Variants in EVPL observed in about 807,000 individuals in gnomAD.
EVPL encodes the protein envoplakin.
Under a neutral mutation model 129.7 loss-of-function variants are expected in EVPL, and 94 were observed. That is an observed-to-expected ratio of 0.72 (90% confidence interval 0.61 to 0.86). EVPL has a LOEUF of 0.86. EVPL is among the 40% of genes least tolerant of loss of function. EVPL has a pLI of 0.00. For missense variants in EVPL, 2,625 were observed against 2,721.1 expected, an observed-to-expected ratio of 0.96 and a Z score of 0.79; for synonymous variants, 1,172 against 1,191.1, an observed-to-expected ratio of 0.98 and a Z score of 0.33.
rs201015085 is a variant in EVPL at position 76,007,541 on chromosome 17, G to C, written c.5664C>G (p.Ile1888Met). The C allele has an allele frequency of 4.5e-5, 73 of 1,613,814 alleles. No individual in the cohort carries two copies. The African/African-American group carries it at 5.3e-4, about 12-fold the overall frequency. Residue 1888 changes from isoleucine to methionine, a missense_variant, in exon 22 of 22, where the codon ATC becomes ATG. Transcript: ENST00000301607. This position sits in a 1 kb window ranked among gnomAD's most constrained non-coding sequence, Gnocchi z 8.8. ...SVHKAMERGL[I>M]ENTSTQRLLN... is the part of the protein sequence containing the mutation. ...GCAGCCTCTGTGTGGAGGTGTTCTCGATCAGGCCCCTCTCCATCGCCTTGT... is the reference window on the plus strand; with the variant it reads ...GCAGCCTCTGTGTGGAGGTGTTCTCCATCAGGCCCCTCTCCATCGCCTTGT...
At position 76,015,346 on chromosome 17, in the gene EVPL, G is replaced by C. The variant is rs1567911769; in HGVS notation, c.1909C>G (p.Leu637Val). 6.2e-7 allele frequency: 1 copy of C among 1,604,374 alleles called. No individual in the cohort carries two copies. The highest frequency in any genetic ancestry group is 8.5e-7 in the Non-Finnish European group (1 of 1,178,978). Reference sequence around the variant, plus strand: ...TCCGCATCCTGGATCTGCCGCTCCAGATCCAGGGCAGCCTTGGCTCTGCCG... The same window carrying C: ...TCCGCATCCTGGATCTGCCGCTCCACATCCAGGGCAGCCTTGGCTCTGCCG... Reference protein sequence around the residue: ...YGEKAKAALDLERQIQDADRV... With the variant: ...YGEKAKAALDVERQIQDADRV... The change falls in exon 16 of 22, where the codon CTG becomes GTG. Residue 637 changes from leucine (L) to valine (V), a missense_variant. Transcript: ENST00000301607.
At chr17:76,011,504 T>G in intron 21 of EVPL, 72 bp downstream of exon 21, 19 of 1,311,992 alleles carry the variant, frequency 1.4e-5, no homozygotes, top group African/African-American at 2.9e-5. Context: ...CAGCCTGGCA[T>G]TTTGGGAATG....
At chr17:76,010,859 G>C (rs568980311) in intron 21 of EVPL, among the ~76,000 whole-genome samples, 1 of 152,080 alleles carries the variant, frequency 6.6e-6, no homozygotes, top group African/African-American at 2.4e-5. Flanking sequence ...TCAGGAGTTC[G>C]AGACCAGCCT....
Position 76,006,865 on chromosome 17 carries a change from T to G in EVPL, c.*238A>C. On this transcript the variant is annotated 3_prime_UTR_variant, in exon 22 of 22. Transcript: ENST00000301607. ...ACATGGCACGGGGAGACAGAATTCG[T>G]TTATTGGGATCACTGGGTGGAGGTG... is the stretch of plus-strand genomic sequence containing the variant. 3 of 390,870 alleles carry G rather than the reference T, an allele frequency of 7.7e-6. No homozygotes were observed. The highest frequency in any genetic ancestry group is 9.0e-6 in the Non-Finnish European group (2 of 223,370). The allele number at this position is 390,870 out of a possible 1,614,324, so 24.2% of individuals were successfully genotyped here.
chr17:76,025,611 G>A (rs1274720725), intron 1 of EVPL, among the ~76,000 whole-genome samples: 1 of 152,152 alleles, frequency 6.6e-6, no homozygotes, highest in Non-Finnish European at 1.5e-5. Flanking sequence ...CCCCAGGGAG[G>A]ACAGGTCACT....
In EVPL at chr17:76,008,022, G is replaced by C. The variant is rs2066335968; in HGVS notation, c.5183C>G (p.Thr1728Ser). 1 of 1,614,010 alleles carries C rather than the reference G, an allele frequency of 6.2e-7. No individual in the cohort carries two copies. The highest frequency in any genetic ancestry group is 1.7e-5 in the Admixed American group (1 of 60,004). ...ELECDWEEVT[T>S]SGPCGEESVL... Reference sequence around the variant, plus strand: ...AGACTCCTCCCCACAGGGCCCCGAGGTGGTGACCTCCTCCCAGTCACACTC... The same window carrying C: ...AGACTCCTCCCCACAGGGCCCCGAGCTGGTGACCTCCTCCCAGTCACACTC... Residue 1728 changes from threonine (T) to serine (S), a missense_variant, in exon 22 of 22, where the codon ACC (threonine) becomes AGC (serine). Physicochemically the swap from Thr to Ser is moderately conservative, Grantham distance 58. This residue lies in a region of EVPL where 1,453 missense variants were observed against 1,511.8 expected (regional missense o/e 0.96). Coordinates refer to ENST00000301607, the MANE Select transcript of EVPL (RefSeq NM_001988.4). The surrounding 1 kb of genome is among the most constrained non-coding windows in gnomAD (Gnocchi z 7.4).
At chr17:76,019,254 C>T (rs2066440859) in intron 10 of EVPL, among the ~76,000 whole-genome samples, 194 bp from the exon 11 acceptor site, 1 of 152,142 alleles carries the variant, frequency 6.6e-6, no homozygotes, top group Non-Finnish European at 1.5e-5. Flanking sequence ...GGGGATGGCA[C>T]AGCATCACCC....
chr17:76,021,608 T>TGCCC (rs2066459011), intron 8 of EVPL, 45 bp from the exon 9 acceptor site: 1 of 1,172,400 alleles, frequency 8.5e-7, no homozygotes, highest in Non-Finnish European at 1.1e-6. Flanking sequence ...CCCCCCCACG[T>TGCCC]CCGCCCCACC....
In EVPL at chr17:76,023,499, C is replaced by T; in HGVS notation, c.353+1G>A. 1 of 1,613,100 alleles carries T rather than the reference C, an allele frequency of 6.2e-7. No individual in the cohort carries two copies. The highest frequency in any genetic ancestry group is 8.5e-7 in the Non-Finnish European group (1 of 1,179,628). ...CCCAGCCCTGCCGCAGCTCCACTCA[C>T]TCCTTCTCAATCTCCTCAGCCTGCG... On this transcript the variant is annotated splice_donor_variant, in intron 3 of 21. Coordinates refer to ENST00000301607, the MANE Select transcript of EVPL (RefSeq NM_001988.4). LOFTEE classifies it high-confidence loss of function.
At position 76,008,245 on chromosome 17, in the gene EVPL, C is replaced by T. The variant is rs765962455; in HGVS notation, c.4960G>A (p.Glu1654Lys). 2.0e-5 allele frequency: 32 copies of T among 1,613,596 alleles called. No homozygotes were observed. The highest frequency in any genetic ancestry group is 7.7e-5 in the South Asian group (7 of 91,088). The change falls in exon 22 of 22, where the codon GAG becomes AAG. Residue 1654 changes from glutamate (E) to lysine (K), a missense_variant. By Grantham distance (56) the Glu-to-Lys change is moderately conservative (BLOSUM62 1). Transcript: ENST00000301607. This position sits in a 1 kb window ranked among gnomAD's most constrained non-coding sequence, Gnocchi z 7.4. ...AGGTCCCGGAGCGTCCGCTCCTTCT[C>T]GTAGATCTGGTCCTTCTCGCGGAGG... Reference protein sequence around the residue: ...AILREKDQIYEKERTLRDLHA... With the variant: ...AILREKDQIYKKERTLRDLHA...
At position 76,022,716 on chromosome 17, in the gene EVPL, C is replaced by T. The variant is rs1484065395; in HGVS notation, c.481-178G>A. Among the ~76,000 whole-genome samples, 1 of 152,168 alleles carries T rather than the reference C, an allele frequency of 6.6e-6. No homozygotes were observed. The highest frequency in any genetic ancestry group is 1.5e-5 in the Non-Finnish European group (1 of 68,016). On this transcript the variant is annotated intron_variant, in intron 4 of 21. Coordinates refer to ENST00000301607, the MANE Select transcript of EVPL (RefSeq NM_001988.4). This position sits in a 1 kb window ranked among gnomAD's most constrained non-coding sequence, Gnocchi z 5.6. ...AGGGGCGAGGCCATTCTGCAGTGGC[C>T]CCTGAGTCCCACTGGTTCCCAGACG...
intron 4 of EVPL, 139 bp downstream of exon 4, chr17:76,023,153 G>A (rs563862312): frequency 6.9e-7 from 1 of 1,439,950 alleles, no homozygotes; most frequent in Non-Finnish European, 9.4e-7. Context: ...TGACTGCACT[G>A]TCTACTCTGC....
Position 76,007,776 on chromosome 17 carries a change from C to T in EVPL, c.5429G>A (p.Ser1810Asn). Residue 1810 changes from serine (S) to asparagine (N), a missense_variant, in exon 22 of 22, where the codon AGT becomes AAT. Physicochemically the swap from Ser to Asn is conservative, Grantham distance 46. Transcript: ENST00000301607. The surrounding 1 kb of genome is among the most constrained non-coding windows in gnomAD (Gnocchi z 8.8). ...PLASPAPQST[S>N]FFSPSFSLGL... ...GAGAGAGAAGCTGGGAGAGAAGAAA[C>T]TGGTGCTCTGGGGGGCCGGGGAGGC... The T allele has an allele frequency of 6.2e-7, 1 of 1,612,420 alleles. No individual in the cohort carries two copies. The highest frequency in any genetic ancestry group is 8.5e-7 in the Non-Finnish European group (1 of 1,178,764).
Position 76,008,582 on chromosome 17 carries a change from C to G in EVPL, c.4623G>C (p.Glu1541Asp). 1 of 1,611,052 alleles carries G rather than the reference C, an allele frequency of 6.2e-7. No homozygotes were observed. Among genetic ancestry groups the G allele is most frequent in the Non-Finnish European group, 8.5e-7 (1 of 1,180,024 alleles). The change falls in exon 22 of 22, where the codon GAG becomes GAC. Residue 1541 changes from glutamate (E) to aspartate (D), a missense_variant. By Grantham distance (45) the Glu-to-Asp change is conservative (BLOSUM62 2). This residue lies in a region of EVPL where 1,453 missense variants were observed against 1,511.8 expected (regional missense o/e 0.96). Transcript: ENST00000301607. The surrounding 1 kb of genome is among the most constrained non-coding windows in gnomAD (Gnocchi z 7.4). ...VLEDERARVW[E>D]MLNRERTARQ... ...GGGCCGTGCGCTCCCTGTTGAGCAT[C>G]TCCCACACGCGGGCCCGCTCATCTT...
Position 76,022,042 on chromosome 17 carries a change from C to G in EVPL, c.646-14G>C. On this transcript the variant is annotated splice_polypyrimidine_tract_variant and intron_variant, in intron 6 of 21. Coordinates refer to ENST00000301607, the MANE Select transcript of EVPL (RefSeq NM_001988.4). This position sits in a 1 kb window ranked among gnomAD's most constrained non-coding sequence, Gnocchi z 5.6. ...CGACGCCGCCTTCTGTGCTCAGGAC[C>G]CGCCGCCAGCAGCAGGGTGGGGAGA... 6.4e-7 allele frequency: 1 copy of G among 1,552,690 alleles called. No homozygotes were observed. Among genetic ancestry groups the G allele is most frequent in the Non-Finnish European group, 8.7e-7 (1 of 1,155,890 alleles).
rs2066369481 is a variant in EVPL, at chr17:76,010,553, G to A, written c.2662-10C>T. On this transcript the variant is annotated splice_polypyrimidine_tract_variant and intron_variant, in intron 21 of 21. Coordinates refer to ENST00000301607, the MANE Select transcript of EVPL (RefSeq NM_001988.4). The stretch of plus-strand genomic sequence containing the variant: ...CCTCACTGAGCTCCTTCTGCAGAGA[G>A]GAAGAAGGGTAGAGCACGGGGTGGG... 1 of 1,606,660 alleles carries A rather than the reference G, an allele frequency of 6.2e-7. No homozygotes were observed. Among genetic ancestry groups the A allele is most frequent in the South Asian group, 1.1e-5 (1 of 90,740 alleles).
In EVPL at chr17:76,018,517, C is replaced by G; in HGVS notation, c.1368G>C (p.Glu456Asp). The G allele has an allele frequency of 6.2e-7, 1 of 1,612,644 alleles. No homozygotes were observed. The highest frequency in any genetic ancestry group is 1.7e-5 in the Admixed American group (1 of 59,964). Reference sequence around the variant, plus strand: ...AGCAGGCGGCGGGAGCACGCTTGGTCTCCCCGCCAGGGCCCTGCACGACCC... The same window carrying G: ...AGCAGGCGGCGGGAGCACGCTTGGTGTCCCCGCCAGGGCCCTGCACGACCC... Reference protein sequence around the residue: ...HAWVVQGPGGETKRAPAACFC... With the variant: ...HAWVVQGPGGDTKRAPAACFC... The change falls in exon 12 of 22, where the codon GAG (glutamate) becomes GAC (aspartate). Residue 456 changes from glutamate (E) to aspartate (D), a missense_variant. This residue lies in a region of EVPL where 1,024 missense variants were observed against 997.5 expected (regional missense o/e 1.03). Transcript: ENST00000301607.
rs747685954 is a variant in EVPL, at chr17:76,021,849, C to G, written c.807+18G>C. The G allele has an allele frequency of 1.9e-6, 3 of 1,561,900 alleles. No individual in the cohort carries two copies. The highest frequency in any genetic ancestry group is 2.6e-6 in the Non-Finnish European group (3 of 1,160,534). ...GGCCCTGGCCGCCCCCACCTGGCCC[C>G]GACCTCTGCCAGCCGACCTCGTACT... On this transcript the variant is annotated intron_variant, in intron 7 of 21. Transcript: ENST00000301607.
In EVPL at chr17:76,010,426, G is replaced by T. The variant is rs771495391; in HGVS notation, c.2779C>A (p.Arg927=). ...LKAQLEEERK[R]VARVQHELEA... is the part of the protein sequence containing the mutation. Reference sequence around the variant, plus strand: ...AGCTCATGCTGCACCCGGGCCACCCGCTTCCTCTCCTCTTCCAGCTGGGCC... The same window carrying T: ...AGCTCATGCTGCACCCGGGCCACCCTCTTCCTCTCCTCTTCCAGCTGGGCC... Residue 927 remains arginine (R), a synonymous_variant, in exon 22 of 22, where the codon CGG becomes AGG. Transcript: ENST00000301607. 2 of 1,613,934 alleles carry T rather than the reference G, an allele frequency of 1.2e-6. No homozygotes were observed. Among genetic ancestry groups the T allele is most frequent in the Non-Finnish European group, 1.7e-6 (2 of 1,179,976 alleles).
Sources: allele counts gnomAD v4.1 joint callset (sites outside exome capture counted in the v4.1 genomes callset), GRCh38; gene constraint gnomAD v4.1.1; regional missense constraint gnomAD v4.1.1; non-coding constraint Gnocchi (gnomAD v3.1); transcripts MANE v1.5; gene names NCBI Gene and HGNC (gene_info 2026-07-23, HGNC 2026-07-21).